CHODL: variants seen among roughly 807,000 people sequenced by gnomAD.
The protein encoded by CHODL is chondrolectin.
CHODL carries 29 observed loss-of-function variants against 34.5 expected under a neutral mutation model. The ratio of observed to expected loss-of-function variants is 0.84; its 90% CI spans 0.63 to 1.15. The LOEUF (loss-of-function observed/expected upper bound fraction) is 1.15. CHODL is among the 50% of genes most tolerant of loss of function. The pLI is 0.00. For synonymous variants in CHODL, 125 were observed against 116.1 expected, an observed-to-expected ratio of 1.08 and a Z score of -0.49; for missense variants, 332 against 332.5, an observed-to-expected ratio of 1.00 and a Z score of 0.01.
intron 2 of CHODL, among the ~76,000 whole-genome samples, chr21:18,085,204 A>G (rs963149280): frequency 1.3e-5 from 2 of 152,054 alleles, no homozygotes; most frequent in Non-Finnish European, 2.9e-5. Flanking sequence ...TCTTGTAGGC[A>G]GCATATAGTT....
At chr21:18,076,379 T>A (rs932450804) in intron 2 of CHODL, among the ~76,000 whole-genome samples, 3 of 152,220 alleles carry the variant, frequency 2.0e-5, no homozygotes, top group African/African-American at 7.2e-5. Flanking sequence ...ATTGTGTTCA[T>A]GTCCAAGTAT....
At chr21:17,992,342 A>C (rs182487664) in intron 1 of CHODL, among the ~76,000 whole-genome samples, 2 of 152,258 alleles carry the variant, frequency 1.3e-5, no homozygotes, top group Admixed American at 1.3e-4. Context: ...TATTTCTATG[A>C]AGACTATCAT....
intron 1 of CHODL, among the ~76,000 whole-genome samples, chr21:18,248,696 T>TATATATGTATAATAC (rs1568955270): frequency 5.2e-4 from 60 of 115,812 alleles, no homozygotes; most frequent in African/African-American, 2.5e-3. Context: ...ATTATATACA[T>TATATATGTATAATAC]ATATATGTAT....
At chr21:18,022,874 T>G (rs1039822327) in intron 1 of CHODL, among the ~76,000 whole-genome samples, 1 of 152,220 alleles carries the variant, frequency 6.6e-6, no homozygotes, top group African/African-American at 2.4e-5. Flanking sequence ...AGAGGTTACT[T>G]GCTCAAGTTC....
chr21:18,212,071 G>T (rs2073780130), intron 2 of CHODL, among the ~76,000 whole-genome samples: 1 of 152,112 alleles, frequency 6.6e-6, no homozygotes, highest in Non-Finnish European at 1.5e-5. Flanking sequence ...TTGCTTTGGG[G>T]ATGGGAATGG....
At chr21:18,116,311 CTCTT>C (rs1568894480) in intron 2 of CHODL, among the ~76,000 whole-genome samples, 1 of 152,038 alleles carries the variant, frequency 6.6e-6, no homozygotes, top group Non-Finnish European at 1.5e-5. Flanking sequence ...CTCTCTCTCT[CTCTT>C]TCTCTTTTCT....
intron 2 of CHODL, among the ~76,000 whole-genome samples, chr21:18,174,890 C>G (rs546912012): frequency 6.6e-6 from 1 of 152,150 alleles, no homozygotes; most frequent in Admixed American, 6.5e-5. Flanking sequence ...TAGAGTAAAT[C>G]ATTGTGGTTT....
intron 1 of CHODL, among the ~76,000 whole-genome samples, chr21:17,958,703 GT>G (rs1362540807): frequency 6.6e-6 from 1 of 152,160 alleles, no homozygotes; most frequent in East Asian, 1.9e-4. Context: ...TAAGATGGTA[GT>G]TTTGTCTAAA....
rs552668384 is a variant in CHODL, at chr21:18,136,623, G to A, written c.-45+108652G>A. ...TTATCCTGTGGGAGTGTGTGTGTGC[G>A]TGCGCACACACATATACACGTTGGG... On this transcript the variant is annotated intron_variant, in intron 2 of 6. Coordinates refer to the CHODL transcript ENST00000400127. Among the ~76,000 whole-genome samples the A allele has an allele frequency of 3.4e-3, 513 of 150,658 alleles. 4 individuals carry two copies. The highest frequency in any genetic ancestry group is 0.012 in the African/African-American group (487 of 41,130).
intron 2 of CHODL, among the ~76,000 whole-genome samples, chr21:18,065,527 G>A (rs576195630): frequency 6.8e-4 from 103 of 152,274 alleles, no homozygotes; most frequent in Admixed American, 6.6e-3. Flanking sequence ...TCCCTGAAAA[G>A]TACAGTATTA....
intron 2 of CHODL, among the ~76,000 whole-genome samples, chr21:18,057,554 A>G (rs1010094831): frequency 6.6e-6 from 1 of 152,036 alleles, no homozygotes; most frequent in Non-Finnish European, 1.5e-5. Flanking sequence ...GATGATGTAC[A>G]TTTTATGGGT....
upstream of CHODL, among the ~76,000 whole-genome samples, chr21:18,243,787 T>C (rs2074104216): frequency 6.6e-6 from 1 of 152,186 alleles, no homozygotes; most frequent in African/African-American, 2.4e-5. Context: ...TTACTTCCTT[T>C]TTCCAATAAA....
intron 2 of CHODL, among the ~76,000 whole-genome samples, chr21:18,046,831 T>C (rs2064449620): frequency 6.6e-6 from 1 of 152,000 alleles, no homozygotes; most frequent in Non-Finnish European, 1.5e-5. Context: ...TCCATCAATT[T>C]ATCACTGCGG....
In CHODL at chr21:18,080,543, G is replaced by A. The variant is rs2064929748; in HGVS notation, c.-45+52572G>A. ...GGTATGGGTTCAAGTTTATTCTTCT[G>A]CAGATGGTTATCCAACTTTCCCGGC... On this transcript the variant is annotated intron_variant, in intron 2 of 6. Coordinates refer to the CHODL transcript ENST00000400127. 2.0e-5 allele frequency among the ~76,000 whole-genome samples: 3 copies of A among 152,064 alleles called. No homozygotes were observed. In the South Asian group the frequency reaches 6.2e-4, roughly 32 times the overall value.
chr21:18,172,109 G>A (rs561907334), intron 2 of CHODL, among the ~76,000 whole-genome samples: 2 of 152,252 alleles, frequency 1.3e-5, no homozygotes, highest in East Asian at 1.9e-4. Context: ...ATATGTCAGA[G>A]TTTTTCAAAT....
chr21:18,061,296 T>C (rs1329286426), intron 2 of CHODL, among the ~76,000 whole-genome samples: 1 of 152,152 alleles, frequency 6.6e-6, no homozygotes, highest in African/African-American at 2.4e-5. Context: ...CAGGATGACT[T>C]TGATGATAAG....
At chr21:17,947,270 T>G (rs2063418355) in intron 1 of CHODL, among the ~76,000 whole-genome samples, 1 of 151,964 alleles carries the variant, frequency 6.6e-6, no homozygotes, top group Non-Finnish European at 1.5e-5. Context: ...AACAGGTCAA[T>G]GAAGATATTA....
intron 1 of CHODL, among the ~76,000 whole-genome samples, chr21:17,972,712 A>G (rs552417786): frequency 1.3e-5 from 2 of 152,340 alleles, no homozygotes; most frequent in South Asian, 4.1e-4. Context: ...AAATGTCCAT[A>G]CTACCCAAAG....
In CHODL at chr21:17,951,044, A is replaced by G. The variant is rs1264683068; in HGVS notation, c.-145+33644A>G. 2.0e-5 allele frequency among the ~76,000 whole-genome samples: 3 copies of G among 152,220 alleles called. No homozygotes were observed. In the East Asian group the frequency reaches 5.8e-4, roughly 29 times the overall value. On this transcript the variant is annotated intron_variant, in intron 1 of 6. Transcript: ENST00000400127. ...AACATACTTACGTATAACTATATAC[A>G]TATACATTAATAAGTGTATATATTC...
Sources: gnomAD v4.1 joint callset for allele counts (sites outside exome capture counted in the v4.1 genomes callset) on GRCh38, gnomAD v4.1.1 for gene constraint, MANE v1.5 for transcripts, NCBI Gene and HGNC (gene_info 2026-07-23, HGNC 2026-07-21) for gene names.